SPOCK1: variants seen among roughly 807,000 people sequenced by gnomAD.
SPOCK1 encodes the protein SPARC (osteonectin), cwcv and kazal like domains proteoglycan 1, also known as testican-1.
A neutral mutation model predicts 55.3 loss-of-function variants in SPOCK1; 23 were observed. That is an observed-to-expected ratio of 0.42 (90% CI 0.30 to 0.59). SPOCK1 has a LOEUF of 0.59. Ranked by LOEUF, SPOCK1 falls within the 20% of genes least tolerant of loss-of-function variation. The pLI is 0.22. For synonymous variants in SPOCK1, 226 were observed against 221.0 expected (o/e 1.02, Z -0.20); for missense variants, 499 against 552.5 (o/e 0.90, Z 0.97).
intron 5 of SPOCK1, among the ~76,000 whole-genome samples, chr5:137,094,644 C>T (rs971893720): frequency 1.3e-5 from 2 of 152,138 alleles, no homozygotes; most frequent in Non-Finnish European, 2.9e-5. Flanking sequence ...GAGGGTCTTG[C>T]CCTGATATTG....
At chr5:137,036,716 G>T (rs1042714979) in intron 6 of SPOCK1, among the ~76,000 whole-genome samples, 1 of 152,232 alleles carries the variant, frequency 6.6e-6, no homozygotes, top group African/African-American at 2.4e-5. Flanking sequence ...ATGGGAGGGA[G>T]GCCCCTCCAC....
intron 3 of SPOCK1, among the ~76,000 whole-genome samples, chr5:137,167,058 G>C (rs1754661415): frequency 6.6e-6 from 1 of 151,938 alleles, no homozygotes; most frequent in Admixed American, 6.6e-5. Context: ...TGAAAGATCT[G>C]TTGCCTATAG....
chr5:137,160,608 A>T lies in SPOCK1; in HGVS notation c.233-19914T>A, dbSNP rs797012831. On this transcript the variant is annotated intron_variant, in intron 3 of 10. Transcript: ENST00000394945. ...TATAATATATAATATATTATATATA[A>T]TATATAATATATATTTTATATAATA... Among the ~76,000 whole-genome samples the T allele has an allele frequency of 2.2e-4, 11 of 49,482 alleles. 1 individual carries two copies. The highest frequency in any genetic ancestry group is 2.1e-3 in the East Asian group (2 of 944). 32.5% of individuals were successfully genotyped at this position (49,482 alleles called of 152,430 possible). A position where few individuals can be genotyped will look rare whatever the true frequency, so the allele number is the denominator to read the frequency against.
At chr5:137,235,661 T>C (rs1756166771) in intron 3 of SPOCK1, among the ~76,000 whole-genome samples, 1 of 152,210 alleles carries the variant, frequency 6.6e-6, no homozygotes, top group Non-Finnish European at 1.5e-5. Flanking sequence ...TGTGTGAAGA[T>C]TTGCAACAGG....
At chr5:137,274,790 C>A (rs1170398090) in intron 2 of SPOCK1, among the ~76,000 whole-genome samples, 1 of 152,080 alleles carries the variant, frequency 6.6e-6, no homozygotes, top group Non-Finnish European at 1.5e-5. Context: ...TTTAAAAAAT[C>A]AATGAAATTT....
chr5:137,354,802 G>A (rs532769686), intron 2 of SPOCK1, among the ~76,000 whole-genome samples: 19 of 152,298 alleles, frequency 1.2e-4, no homozygotes, highest in East Asian at 9.6e-4. Context: ...GGATTGGCCC[G>A]TAGGAGGTAT....
chr5:137,490,210 G>C (rs933500194), intron 2 of SPOCK1, among the ~76,000 whole-genome samples: 5 of 152,204 alleles, frequency 3.3e-5, no homozygotes, highest in Admixed American at 6.5e-5. Flanking sequence ...TGCTTGGGCT[G>C]TAGTGAATGA....
At chr5:137,038,337 A>G (rs983034449) in intron 6 of SPOCK1, among the ~76,000 whole-genome samples, 5 of 152,204 alleles carry the variant, frequency 3.3e-5, no homozygotes, top group African/African-American at 1.2e-4. Flanking sequence ...GGTATCTGGC[A>G]GGTAAGGAGC....
At chr5:137,304,645 G>A (rs1178527756) in intron 2 of SPOCK1, among the ~76,000 whole-genome samples, 2 of 152,102 alleles carry the variant, frequency 1.3e-5, no homozygotes, top group African/African-American at 4.8e-5. Context: ...CCCCCCACTG[G>A]GTGAGCAAAG....
At chr5:137,464,612 C>T (rs1334700587) in intron 2 of SPOCK1, among the ~76,000 whole-genome samples, 1 of 151,908 alleles carries the variant, frequency 6.6e-6, no homozygotes, top group African/African-American at 2.4e-5. Flanking sequence ...TGGTAGATAG[C>T]AACAGCCTGC....
intron 3 of SPOCK1, among the ~76,000 whole-genome samples, chr5:137,264,047 A>T (rs574103053): frequency 6.6e-6 from 1 of 152,222 alleles, no homozygotes; most frequent in South Asian, 2.1e-4. Flanking sequence ...TGAGTCTTCT[A>T]ACTATTCACC....
intron 2 of SPOCK1, among the ~76,000 whole-genome samples, chr5:137,472,532 G>A (rs999708799): frequency 6.6e-6 from 1 of 152,220 alleles, no homozygotes; most frequent in Non-Finnish European, 1.5e-5. Flanking sequence ...GCAACCCATG[G>A]AAGGGGAGTG....
At chr5:137,355,343 C>A (rs1437343158) in intron 2 of SPOCK1, among the ~76,000 whole-genome samples, 1 of 152,174 alleles carries the variant, frequency 6.6e-6, no homozygotes, top group Non-Finnish European at 1.5e-5. Context: ...CAGGTGTGTG[C>A]CACTACACCC....
chr5:137,338,326 T>C (rs1750333850), intron 2 of SPOCK1, among the ~76,000 whole-genome samples: 1 of 152,144 alleles, frequency 6.6e-6, no homozygotes, highest in African/African-American at 2.4e-5. Context: ...GCTTCATCCA[T>C]GTCCCTACAA....
intron 6 of SPOCK1, among the ~76,000 whole-genome samples, chr5:137,041,010 A>G (rs6895118): frequency 0.49 from 74,382 of 152,036 alleles, 18,511 homozygotes; most frequent in Admixed American, 0.59. Flanking sequence ...ATTTCTTTAA[A>G]AAAATTTTTA....
chr5:137,142,138 G>A (rs1754110725), intron 3 of SPOCK1, among the ~76,000 whole-genome samples: 1 of 152,166 alleles, frequency 6.6e-6, no homozygotes, highest in Admixed American at 6.5e-5. Flanking sequence ...TCCTCCCCAT[G>A]CAAACATTTG....
rs1754594026 is a variant in SPOCK1 at position 137,163,395 on chromosome 5, G to C, written c.233-22701C>G. ...CCTCCAGGGCTCAAAGACCTCAGTG[G>C]GCAAATTCCCTAAGTACCTTTATAC... On this transcript the variant is annotated intron_variant, in intron 3 of 10. Coordinates refer to ENST00000394945, the MANE Select transcript of SPOCK1 (RefSeq NM_004598.4). Among the ~76,000 whole-genome samples the C allele has an allele frequency of 4.6e-5, 7 of 152,112 alleles. No individual in the cohort carries two copies. The South Asian group carries it at 1.4e-3, about 31-fold the overall frequency.
intron 5 of SPOCK1, among the ~76,000 whole-genome samples, chr5:137,077,363 A>T (rs1752789768): frequency 6.6e-6 from 1 of 152,208 alleles, no homozygotes; most frequent in Admixed American, 6.5e-5. Flanking sequence ...AGGAGACAGA[A>T]ATTATGCCAG....
chr5:137,493,885 A>C (rs1474138790), intron 2 of SPOCK1, among the ~76,000 whole-genome samples: 2 of 152,146 alleles, frequency 1.3e-5, no homozygotes, highest in Admixed American at 6.5e-5. Context: ...ATTATAGCTG[A>C]TATGTTAGAT....
Sources: gnomAD v4.1 joint callset for allele counts (sites outside exome capture counted in the v4.1 genomes callset) on GRCh38, gnomAD v4.1.1 for gene constraint, MANE v1.5 for transcripts, NCBI Gene and HGNC (gene_info 2026-07-23, HGNC 2026-07-21) for gene names.